Variants in WWOX observed in about 807,000 individuals in gnomAD.
WWOX encodes WW domain containing oxidoreductase, also known as WW domain-containing oxidoreductase.
In WWOX, 69 loss-of-function variants were observed where a neutral mutation model predicts 46.2. The observed-to-expected ratio is 1.49, with a 90% CI of 1.23 to 1.82. WWOX has a LOEUF of 1.82. WWOX is among the 40% of genes most tolerant of loss of function. The pLI is 0.00. For missense variants in WWOX, 919 were observed against 542.6 expected, an observed-to-expected ratio of 1.69 and a Z score of -6.89; for synonymous variants, 359 against 202.6, an observed-to-expected ratio of 1.77 and a Z score of -6.56.
At position 78,859,340 on chromosome 16, in the gene WWOX, C is replaced by G. The variant is rs2052662691; in HGVS notation, c.1057-352268C>G. Among the ~76,000 whole-genome samples, 3 of 151,998 alleles carry G rather than the reference C, an allele frequency of 2.0e-5. No homozygotes were observed. In the South Asian group the frequency reaches 6.2e-4, roughly 32 times the overall value. ...TCCCCTTCTCCCTACTCCCTTCCTG[C>G]AATTTCTAATAAATTAGAAGAGCTC... On this transcript the variant is annotated intron_variant, in intron 8 of 8. Transcript: ENST00000566780.
intron 8 of WWOX, among the ~76,000 whole-genome samples, chr16:78,627,052 TAC>T (rs1271059036): frequency 3.3e-5 from 5 of 152,126 alleles, no homozygotes; most frequent in African/African-American, 9.7e-5. Flanking sequence ...CCCCACCTCA[TAC>T]ATACACAAAG....
intron 8 of WWOX, chr16:79,203,392 G>C (rs2051404749): frequency 6.6e-6 from 1 of 152,124 alleles, no homozygotes; most frequent in Non-Finnish European, 1.5e-5. Flanking sequence ...GGGCCTACCT[G>C]TGAGATCTGA....
intron 5 of WWOX, among the ~76,000 whole-genome samples, chr16:78,284,451 T>C (rs12933289): frequency 0.81 from 123,792 of 152,200 alleles, 51,361 homozygotes; most frequent in Middle Eastern, 0.94. Flanking sequence ...TCAGCATTCC[T>C]AAACTTACAT....
intron 8 of WWOX, among the ~76,000 whole-genome samples, chr16:78,875,357 T>C (rs756107963): frequency 4.6e-5 from 7 of 152,210 alleles, no homozygotes; most frequent in Non-Finnish European, 1.0e-4. Context: ...AGCTTTATGA[T>C]GCTCCCAGTA....
chr16:78,181,741 C>T (rs2035538356), intron 5 of WWOX, among the ~76,000 whole-genome samples: 1 of 151,954 alleles, frequency 6.6e-6, no homozygotes, highest in African/African-American at 2.4e-5. Context: ...TAAATTACAG[C>T]TTTTTCTATT....
chr16:78,639,026 T>C (rs930457923), intron 8 of WWOX, among the ~76,000 whole-genome samples: 24 of 152,254 alleles, frequency 1.6e-4, no homozygotes, highest in African/African-American at 5.5e-4. Flanking sequence ...TTTATAATCT[T>C]TTACCCGTCT....
intron 8 of WWOX, among the ~76,000 whole-genome samples, chr16:78,910,560 G>C (rs189868228): frequency 2.7e-5 from 4 of 150,774 alleles, no homozygotes; most frequent in African/African-American, 7.3e-5. Flanking sequence ...TCATACTACT[G>C]AGAAAGACAT....
intron 8 of WWOX, among the ~76,000 whole-genome samples, chr16:78,584,092 G>C (rs2045132827): frequency 6.6e-6 from 1 of 152,152 alleles, no homozygotes; most frequent in Non-Finnish European, 1.5e-5. Context: ...TTGTGTGTTT[G>C]GTTTATGTCT....
At chr16:79,026,588 A>T (rs906826830) in intron 8 of WWOX, among the ~76,000 whole-genome samples, 6 of 149,924 alleles carry the variant, frequency 4.0e-5, no homozygotes, top group African/African-American at 1.2e-4. Flanking sequence ...AGGGGAGAGA[A>T]CACAGAGCCT....
intron 8 of WWOX, among the ~76,000 whole-genome samples, chr16:78,750,612 A>G: frequency 6.6e-6 from 1 of 152,152 alleles, no homozygotes; most frequent in East Asian, 1.9e-4. Flanking sequence ...AGTACTCAAT[A>G]GGTAGTTTTT....
At chr16:78,133,461 A>G (rs1046492374) in intron 4 of WWOX, among the ~76,000 whole-genome samples, 16 of 152,132 alleles carry the variant, frequency 1.1e-4, no homozygotes. Flanking sequence ...GGGTTTCACC[A>G]TGTTGGCCAG....
chr16:78,849,220 C>T (rs946202650), intron 8 of WWOX, among the ~76,000 whole-genome samples: 1 of 152,096 alleles, frequency 6.6e-6, no homozygotes, highest in Non-Finnish European at 1.5e-5. Flanking sequence ...CACCTTTGGG[C>T]ATGTTGCTAC....
At chr16:78,464,744 C>G (rs1373671572) in intron 8 of WWOX, among the ~76,000 whole-genome samples, 3 of 152,082 alleles carry the variant, frequency 2.0e-5, no homozygotes, top group Admixed American at 1.3e-4. Context: ...ATAAAGGGCC[C>G]CATTCAGTCT....
At chr16:79,160,860 A>C (rs574149176) in intron 8 of WWOX, among the ~76,000 whole-genome samples, 2 of 146,244 alleles carry the variant, frequency 1.4e-5, no homozygotes, top group Non-Finnish European at 3.0e-5. Context: ...GTATACACGC[A>C]CACATACATA....
chr16:78,933,435 T>C (rs1034714948), intron 8 of WWOX, among the ~76,000 whole-genome samples: 1 of 151,838 alleles, frequency 6.6e-6, no homozygotes, highest in East Asian at 1.9e-4. Context: ...GGAGACTCCG[T>C]CTCAAGAAAC....
chr16:78,787,711 A>G (rs745762924), intron 8 of WWOX, among the ~76,000 whole-genome samples: 1 of 152,120 alleles, frequency 6.6e-6, no homozygotes, highest in Non-Finnish European at 1.5e-5. Flanking sequence ...TAATATGGCA[A>G]TTTTATATTT....
chr16:78,720,485 A>G (rs1259225688), intron 8 of WWOX, among the ~76,000 whole-genome samples: 1 of 90,606 alleles, frequency 1.1e-5, no homozygotes, highest in African/African-American at 4.2e-5. Context: ...TTTTTTTTTT[A>G]TGACACTTTT....
intron 5 of WWOX, among the ~76,000 whole-genome samples, chr16:78,165,059 A>G (rs1183040707): frequency 1.3e-5 from 2 of 152,230 alleles, no homozygotes; most frequent in African/African-American, 4.8e-5. Context: ...GGAGATTTCA[A>G]GGATCATCAG....
intron 8 of WWOX, among the ~76,000 whole-genome samples, chr16:78,869,940 T>G (rs1242129504): frequency 6.6e-6 from 1 of 152,214 alleles, no homozygotes; most frequent in African/African-American, 2.4e-5. Flanking sequence ...CGTCAGTGCC[T>G]TGGGAGTCTA....
Sources: allele counts gnomAD v4.1 joint callset (sites outside exome capture counted in the v4.1 genomes callset), GRCh38; gene constraint gnomAD v4.1.1; transcripts MANE v1.5; gene names NCBI Gene and HGNC (gene_info 2026-07-23, HGNC 2026-07-21).